Variants in TMEM245 observed in about 807,000 individuals in gnomAD.
TMEM245 encodes the protein transmembrane protein 245, also known as protein CG-2.
Under a neutral mutation model 101.2 loss-of-function variants are expected in TMEM245, and 69 were observed. That is an observed-to-expected ratio of 0.68 (90% confidence interval 0.56 to 0.83). The LOEUF (loss-of-function observed/expected upper bound fraction) is 0.83. TMEM245 is among the 40% of genes least tolerant of loss of function. The probability of loss-of-function intolerance (pLI) is 0.00; values close to 1 mark genes in which losing one functional copy is unlikely to be tolerated. For missense variants in TMEM245, 1,075 were observed against 1,092.8 expected (o/e 0.98, Z 0.23); for synonymous variants, 537 against 449.8 (o/e 1.19, Z -2.45).
intron 1 of TMEM245, among the ~76,000 whole-genome samples, chr9:109,117,495 T>C (rs1830756321): frequency 6.6e-6 from 1 of 152,222 alleles, no homozygotes; most frequent in Non-Finnish European, 1.5e-5. Flanking sequence ...TGTTGGCCCC[T>C]ACTTCTCTTC....
intron 1 of TMEM245, among the ~76,000 whole-genome samples, chr9:109,113,883 A>T (rs1478553141): frequency 6.6e-6 from 1 of 152,168 alleles, no homozygotes; most frequent in Non-Finnish European, 1.5e-5. Flanking sequence ...TGAGGTTAGG[A>T]GTTTGAGACC....
chr9:109,118,072 A>T (rs12348596), intron 1 of TMEM245, among the ~76,000 whole-genome samples: 8,400 of 152,336 alleles, frequency 0.055, 370 homozygotes, highest in Admixed American at 0.13. Flanking sequence ...ATTTATCTGT[A>T]TGTCTGTCAT....
intron 17 of TMEM245, 83 bp from the exon 18 acceptor site, chr9:109,020,588 AT>A: frequency 1.7e-6 from 2 of 1,187,928 alleles, no homozygotes; most frequent in Non-Finnish European, 2.5e-6. Context: ...CCCTAATGAG[AT>A]TATATAGTCA....
intron 14 of TMEM245, among the ~76,000 whole-genome samples, chr9:109,045,026 C>T (rs925895853): frequency 1.3e-5 from 2 of 152,140 alleles, no homozygotes; most frequent in Non-Finnish European, 2.9e-5. Context: ...TCCCAAAGTG[C>T]TGGGATTTGA....
intron 17 of TMEM245, among the ~76,000 whole-genome samples, chr9:109,032,581 T>A (rs1376357307): frequency 6.7e-6 from 1 of 149,882 alleles, no homozygotes; most frequent in African/African-American, 2.5e-5. Flanking sequence ...AGAGATGGGG[T>A]TTTACCATGT....
chr9:109,046,210 C>T (rs765381135), intron 14 of TMEM245: 11 of 533,978 alleles, frequency 2.1e-5, no homozygotes, highest in Non-Finnish European at 3.8e-5. Context: ...GAGCCATACC[C>T]GTGTGCATGC....
In TMEM245 at chr9:109,064,502, T is replaced by C. The variant is rs1249279980; in HGVS notation, c.1598A>G (p.Tyr533Cys). 6.2e-7 allele frequency: 1 copy of C among 1,613,784 alleles called. No individual in the cohort carries two copies. The highest frequency in any genetic ancestry group is 8.5e-7 in the Non-Finnish European group (1 of 1,179,814). The change falls in exon 10 of 18, where the codon TAT becomes TGT. Residue 533 changes from tyrosine (Y) to cysteine (C), a missense_variant. Tyr to Cys is a radical substitution (Grantham distance 194). This residue lies in a region of TMEM245 where 808 missense variants were observed against 741.5 expected (regional missense o/e 1.09). Coordinates refer to ENST00000374586, the MANE Select transcript of TMEM245 (RefSeq NM_032012.4). ...CTTGTGAGTTATCCATTCTCGTCCA[T>C]ACTGATACACGTTGTTAGCCGCAGA... ...LNSAANNVYQ[Y>C]GREWITHKLH... is the part of the protein sequence containing the mutation.
At chr9:109,085,941 A>G (rs1829820154) in intron 7 of TMEM245, 56 bp downstream of exon 7, 5 of 1,579,146 alleles carry the variant, frequency 3.2e-6, no homozygotes, top group Admixed American at 1.7e-5. Context: ...GAAAAAGGCG[A>G]TACAGGGGCA....
chr9:109,094,765 C>T (rs1830094766), intron 3 of TMEM245, among the ~76,000 whole-genome samples: 1 of 152,182 alleles, frequency 6.6e-6, no homozygotes, highest in Non-Finnish European at 1.5e-5. Flanking sequence ...CAACTAAGAA[C>T]ACTAGCAATT....
intron 4 of TMEM245, among the ~76,000 whole-genome samples, chr9:109,091,363 T>C (rs1438077298): frequency 1.3e-5 from 2 of 152,208 alleles, no homozygotes; most frequent in East Asian, 1.9e-4. Context: ...AATAGAGCTT[T>C]AATTTAGGAA....
Position 109,107,417 on chromosome 9 carries a change from A to AAT in TMEM245, c.698-809_698-808insAT, listed in dbSNP as rs57533357. 3.2e-4 allele frequency among the ~76,000 whole-genome samples: 46 copies of AAT among 144,098 alleles called. 2 individuals are homozygous for AAT. The highest frequency in any genetic ancestry group is 8.2e-4 in the East Asian group (4 of 4,888). 94.5% of individuals were successfully genotyped at this position (144,098 alleles called of 152,430 possible). A position where few individuals can be genotyped will look rare whatever the true frequency, so the allele number is the denominator to read the frequency against. ...CTGTCTCAAAAAAAAAAAAAAAAAA[A>AAT]GTTCACAAGTCACCAAGAAACAGGT... On this transcript the variant is annotated intron_variant, in intron 2 of 17. Coordinates refer to ENST00000374586, the MANE Select transcript of TMEM245 (RefSeq NM_032012.4).
rs1564210036 is a variant in TMEM245, at chr9:109,106,626, A to G, written c.698-17T>C. 1 of 1,575,348 alleles carries G rather than the reference A, an allele frequency of 6.3e-7. No individual in the cohort carries two copies. Among genetic ancestry groups the G allele is most frequent in the South Asian group, 1.2e-5 (1 of 86,532 alleles). Reference sequence around the variant, plus strand: ...CCAGGGATGCTGCAAATTATTAAGAATTAACATTTTTAGTGAAATAAAAAC... The same window carrying G: ...CCAGGGATGCTGCAAATTATTAAGAGTTAACATTTTTAGTGAAATAAAAAC... On this transcript the variant is annotated splice_polypyrimidine_tract_variant and intron_variant, in intron 2 of 17. Transcript: ENST00000374586.
rs1168326162 is a variant in TMEM245 at position 109,018,567 on chromosome 9, T to C, written c.*1893A>G. ...TACTCCATATAGTCAAAAGATCTCA[T>C]GGTAGCCTTTTCTAAATGAAATTTT... On this transcript the variant is annotated 3_prime_UTR_variant, in exon 18 of 18. Coordinates refer to ENST00000374586, the MANE Select transcript of TMEM245 (RefSeq NM_032012.4). The C allele has an allele frequency of 1.3e-5, 2 of 152,214 alleles. No individual in the cohort carries two copies. Among genetic ancestry groups the C allele is most frequent in the East Asian group, 3.8e-4 (2 of 5,204 alleles). 9.4% of individuals were successfully genotyped at this position (152,214 alleles called of 1,614,324 possible). A position where few individuals can be genotyped will look rare whatever the true frequency, so the allele number is the denominator to read the frequency against.
chr9:109,086,082 T>G lies in TMEM245; in HGVS notation c.1321-62A>C. On this transcript the variant is annotated intron_variant, in intron 6 of 17. Coordinates refer to ENST00000374586, the MANE Select transcript of TMEM245 (RefSeq NM_032012.4). The stretch of plus-strand genomic sequence containing the variant: ...AGAACAGTGGAGTATCATTAGAGAA[T>G]GCAACCATAGTATGAAAAGAAAAGG... 10 of 1,540,884 alleles carry G rather than the reference T, an allele frequency of 6.5e-6. No homozygotes were observed. In the South Asian group the frequency reaches 1.0e-4, roughly 16 times the overall value.
At chr9:109,020,575 G>C in intron 17 of TMEM245, 70 bp from the exon 18 acceptor site, 1 of 1,363,730 alleles carries the variant, frequency 7.3e-7, no homozygotes, top group South Asian at 1.2e-5. Flanking sequence ...CAATCTTTTG[G>C]AGCCCTAATG....
chr9:109,103,411 T>C (rs1448357836), intron 3 of TMEM245, among the ~76,000 whole-genome samples: 1 of 152,072 alleles, frequency 6.6e-6, no homozygotes, highest in Non-Finnish European at 1.5e-5. Context: ...CAAAGAAAAC[T>C]ACAAAACACT....
At chr9:109,105,824 G>A (rs1189558418) in intron 3 of TMEM245, among the ~76,000 whole-genome samples, 1 of 152,060 alleles carries the variant, frequency 6.6e-6, no homozygotes. Flanking sequence ...AGGCTGGAGT[G>A]CAGTGGTGCG....
rs1297633031 is a variant in TMEM245, at chr9:109,018,377, G to C, written c.*2083C>G. ...ATCACCCTGTACAGTGCCTGGCACA[G>C]AATCTAGAGTTTAGCCAACTCTCAA... On this transcript the variant is annotated 3_prime_UTR_variant, in exon 18 of 18. Coordinates refer to ENST00000374586, the MANE Select transcript of TMEM245 (RefSeq NM_032012.4). 1 of 152,196 alleles carries C rather than the reference G, an allele frequency of 6.6e-6. No homozygotes were observed. 9.4% of individuals were successfully genotyped at this position (152,196 alleles called of 1,614,324 possible). A position where few individuals can be genotyped will look rare whatever the true frequency, so the allele number is the denominator to read the frequency against.
chr9:109,090,096 C>T (rs1229081385), intron 5 of TMEM245, among the ~76,000 whole-genome samples: 1 of 151,834 alleles, frequency 6.6e-6, no homozygotes, highest in African/African-American at 2.4e-5. Flanking sequence ...TCCGTCTCTA[C>T]TAAAAATACA....
Sources: gnomAD v4.1 joint callset for allele counts (sites outside exome capture counted in the v4.1 genomes callset) on GRCh38, gnomAD v4.1.1 for gene constraint, gnomAD v4.1.1 regional missense constraint, MANE v1.5 for transcripts, NCBI Gene and HGNC (gene_info 2026-07-23, HGNC 2026-07-21) for gene names.